The following NPTN variants were observed in gnomAD, a reference collection of about 807,000 sequenced individuals.
The protein encoded by NPTN is SDR-1.
In NPTN, 5 loss-of-function variants were observed where a neutral mutation model predicts 42.7. The ratio of observed to expected loss-of-function variants is 0.12; its 90% CI spans 0.06 to 0.25. The LOEUF (loss-of-function observed/expected upper bound fraction) is 0.25, where lower values mean the gene tolerates loss of function less well. Ranked by LOEUF, NPTN falls within the 10% of genes least tolerant of loss-of-function variation. The pLI, the probability that NPTN is intolerant of heterozygous loss-of-function variation, is 1.00. For missense variants in NPTN, 307 were observed against 525.4 expected (o/e 0.58, Z 4.06); for synonymous variants, 180 against 201.9 (o/e 0.89, Z 0.92).
chr15:73,580,570 T>TAC (rs1212879131), intron 4 of NPTN, among the ~76,000 whole-genome samples: 1 of 120,444 alleles, frequency 8.3e-6, no homozygotes, highest in African/African-American at 3.3e-5. Flanking sequence ...ATATACATGT[T>TAC]ATATATGTAT....
intron 4 of NPTN, among the ~76,000 whole-genome samples, chr15:73,579,378 G>T (rs1279540669): frequency 6.6e-6 from 1 of 152,042 alleles, no homozygotes; most frequent in Non-Finnish European, 1.5e-5. Flanking sequence ...TAAATTTCAG[G>T]TATCAGCTTA....
intron 1 of NPTN, among the ~76,000 whole-genome samples, chr15:73,602,603 A>G (rs1440126682): frequency 2.0e-5 from 3 of 152,228 alleles, no homozygotes; most frequent in African/African-American, 7.2e-5. Context: ...GTTAATCAGG[A>G]AACAGATCAT....
intron 1 of NPTN, among the ~76,000 whole-genome samples, chr15:73,600,348 T>C (rs999168647): frequency 1.3e-4 from 19 of 146,654 alleles, no homozygotes; most frequent in African/African-American, 5.0e-4. Context: ...ATTATTGTTA[T>C]TACCATTATT....
chr15:73,622,546 G>A (rs891601638), intron 1 of NPTN, among the ~76,000 whole-genome samples: 8 of 146,982 alleles, frequency 5.4e-5, no homozygotes, highest in African/African-American at 1.7e-4. Flanking sequence ...CCTTCTTCTC[G>A]AAAACAGCTT....
chr15:73,568,569 A>C, intron 6 of NPTN: 1 of 985,418 alleles, frequency 1.0e-6, no homozygotes, highest in South Asian at 4.7e-5. Context: ...GGGAGTCCTA[A>C]TATGTAGCAG....
At chr15:73,567,982 C>CTGTCTATAA in intron 6 of NPTN, 3 of 985,444 alleles carry the variant, frequency 3.0e-6, no homozygotes, top group Non-Finnish European at 3.6e-6. Flanking sequence ...GATTCATTCA[C>CTGTCTATAA]TGTCTATAAT....
intron 6 of NPTN, among the ~76,000 whole-genome samples, chr15:73,564,695 C>T (rs147329450): frequency 2.6e-4 from 39 of 152,206 alleles, no homozygotes; most frequent in African/African-American, 8.9e-4. Flanking sequence ...ACACAAAAGC[C>T]CAGCCTAAAT....
intron 4 of NPTN, among the ~76,000 whole-genome samples, chr15:73,580,001 AT>A (rs1895905396): frequency 6.6e-6 from 1 of 152,170 alleles, no homozygotes; most frequent in Non-Finnish European, 1.5e-5. Context: ...GTAATTTATT[AT>A]GCATTTTTGT....
intron 8 of NPTN, among the ~76,000 whole-genome samples, chr15:73,561,344 AAT>A (rs1343701870): frequency 4.6e-5 from 7 of 152,220 alleles, no homozygotes; most frequent in Non-Finnish European, 8.8e-5. Flanking sequence ...TTGATTTTAA[AAT>A]ATGTCTTCTG....
intron 1 of NPTN, among the ~76,000 whole-genome samples, chr15:73,623,254 T>C (rs1047746008): frequency 4.6e-4 from 70 of 152,232 alleles, no homozygotes; most frequent in Non-Finnish European, 5.9e-5. Flanking sequence ...CTGAAGGTTA[T>C]AGTAAGCAAA....
intron 1 of NPTN, among the ~76,000 whole-genome samples, chr15:73,621,256 G>A (rs1310202089): frequency 1.3e-5 from 2 of 151,830 alleles, no homozygotes; most frequent in Non-Finnish European, 2.9e-5. Context: ...CTAGTAGAGA[G>A]GAATAATTAA....
chr15:73,614,567 A>T (rs955852507), intron 1 of NPTN, among the ~76,000 whole-genome samples: 5 of 152,222 alleles, frequency 3.3e-5, no homozygotes, highest in Admixed American at 6.5e-5. Flanking sequence ...ATATGTTAAC[A>T]GATTATAAAT....
chr15:73,573,322 C>A (rs760023262), intron 5 of NPTN, among the ~76,000 whole-genome samples: 4 of 152,102 alleles, frequency 2.6e-5, no homozygotes, highest in Admixed American at 6.5e-5. Context: ...GGCAATGCTT[C>A]CTGTAAAGCC....
intron 4 of NPTN, among the ~76,000 whole-genome samples, chr15:73,579,523 A>G (rs751907093): frequency 2.0e-5 from 3 of 151,882 alleles, no homozygotes; most frequent in African/African-American, 7.3e-5. Flanking sequence ...AAGACTGTAC[A>G]TTAGAACCAT....
intron 6 of NPTN, chr15:73,568,523 T>A: frequency 1.0e-6 from 1 of 985,482 alleles, no homozygotes; most frequent in Non-Finnish European, 1.2e-6. Context: ...TCTTTCCCTT[T>A]ACTCCCAGGT....
At position 73,569,494 on chromosome 15, in the gene NPTN, C is replaced by A. The variant is rs1464596585; in HGVS notation, c.1114+656G>T. 1 of 985,328 alleles carries A rather than the reference C, an allele frequency of 1.0e-6. No homozygotes were observed. The highest frequency in any genetic ancestry group is 4.7e-5 in the South Asian group (1 of 21,292). 61.0% of individuals were successfully genotyped at this position (985,328 alleles called of 1,614,324 possible). A position where few individuals can be genotyped will look rare whatever the true frequency, so the allele number is the denominator to read the frequency against. ...TCCATTTGTTCCGCCTTTGCTATCT[C>A]TGTCTTACACTAGATGGGTGGATAC... On this transcript the variant is annotated intron_variant, in intron 6 of 8. Transcript: ENST00000345330. The surrounding 1 kb of genome is among the most constrained non-coding windows in gnomAD (Gnocchi z 4.1).
chr15:73,600,072 G>A (rs1190002737), intron 1 of NPTN, among the ~76,000 whole-genome samples: 1 of 152,150 alleles, frequency 6.6e-6, no homozygotes, highest in African/African-American at 2.4e-5. Context: ...CAAGTCACAG[G>A]TAGCTGAGAA....
chr15:73,570,449 G>T lies in NPTN; in HGVS notation c.841-26C>A, dbSNP rs1182728751. Reference sequence around the variant, plus strand: ...CTGCAAAAAAGTGAGAATACACAAAGGTGAGAGTGAGTAACTGAGCTAATG... The same window carrying T: ...CTGCAAAAAAGTGAGAATACACAAATGTGAGAGTGAGTAACTGAGCTAATG... On this transcript the variant is annotated intron_variant, in intron 5 of 8. Coordinates refer to ENST00000345330, the MANE Select transcript of NPTN (RefSeq NM_012428.4). This position sits in a 1 kb window ranked among gnomAD's most constrained non-coding sequence, Gnocchi z 4.0. 2 of 1,599,006 alleles carry T rather than the reference G, an allele frequency of 1.3e-6. No homozygotes were observed. Among genetic ancestry groups the T allele is most frequent in the South Asian group, 2.2e-5 (2 of 89,634 alleles).
At chr15:73,629,438 T>C (rs145600112) in intron 1 of NPTN, among the ~76,000 whole-genome samples, 1 of 152,196 alleles carries the variant, frequency 6.6e-6, no homozygotes, top group African/African-American at 2.4e-5. Flanking sequence ...TCTAAAAATG[T>C]ACTCAGTGAG....
Sources: allele counts gnomAD v4.1 joint callset (sites outside exome capture counted in the v4.1 genomes callset), GRCh38; gene constraint gnomAD v4.1.1; non-coding constraint Gnocchi (gnomAD v3.1); transcripts MANE v1.5; gene names NCBI Gene and HGNC (gene_info 2026-07-23, HGNC 2026-07-21).